Variants in LRMDA observed in about 807,000 individuals in gnomAD.
The protein encoded by LRMDA is leucine rich melanocyte differentiation associated, also known as leucine-rich melanocyte differentiation-associated protein.
In LRMDA, 18 loss-of-function variants were observed where a neutral mutation model predicts 29.8. That is an observed-to-expected ratio of 0.60 (90% CI 0.42 to 0.90). The LOEUF (loss-of-function observed/expected upper bound fraction) is 0.90. LRMDA is among the 40% of genes least tolerant of loss of function. The pLI is 0.00. For synonymous variants in LRMDA, 125 were observed against 109.4 expected (o/e 1.14, Z -0.89); for missense variants, 273 against 273.9 (o/e 1.00, Z 0.02).
chr10:75,520,613 G>A (rs1476048970), intron 2 of LRMDA, among the ~76,000 whole-genome samples: 1 of 152,106 alleles, frequency 6.6e-6, no homozygotes, highest in Non-Finnish European at 1.5e-5. Flanking sequence ...GCTTCCTTGC[G>A]ATGGGTTCGA....
At chr10:76,456,225 G>A (rs2132304057) in intron 6 of LRMDA, among the ~76,000 whole-genome samples, 1 of 152,284 alleles carries the variant, frequency 6.6e-6, no homozygotes, top group South Asian at 2.1e-4. Context: ...AGTGGGGTGT[G>A]TTGAGATGGT....
intron 2 of LRMDA, among the ~76,000 whole-genome samples, chr10:75,946,530 G>A (rs962101690): frequency 4.6e-5 from 7 of 152,260 alleles, no homozygotes; most frequent in South Asian, 2.1e-4. Context: ...GGCTGCTGGC[G>A]TTTGATTTGT....
At chr10:76,148,279 C>G (rs1850368482) in intron 5 of LRMDA, among the ~76,000 whole-genome samples, 1 of 152,232 alleles carries the variant, frequency 6.6e-6, no homozygotes, top group African/African-American at 2.4e-5. Context: ...GCCCTGCCCC[C>G]AGAGGTGGAG....
intron 2 of LRMDA, among the ~76,000 whole-genome samples, chr10:75,825,461 C>CA (rs1261485287): frequency 3.3e-5 from 5 of 151,758 alleles, no homozygotes; most frequent in East Asian, 1.9e-4. Flanking sequence ...TTATTAACTG[C>CA]AAAAAAGGGG....
chr10:75,593,631 A>G (rs547647308), intron 2 of LRMDA, among the ~76,000 whole-genome samples: 1 of 152,382 alleles, frequency 6.6e-6, no homozygotes, highest in South Asian at 2.1e-4. Context: ...ACAGGAAAGA[A>G]TTTGCACAGG....
intron 6 of LRMDA, among the ~76,000 whole-genome samples, chr10:76,447,416 C>G (rs1448100732): frequency 6.6e-6 from 1 of 151,812 alleles, no homozygotes; most frequent in Non-Finnish European, 1.5e-5. Flanking sequence ...TCTGTTTTTC[C>G]TTATTGGTTT....
At chr10:75,832,731 T>C (rs1844367042) in intron 2 of LRMDA, among the ~76,000 whole-genome samples, 1 of 152,206 alleles carries the variant, frequency 6.6e-6, no homozygotes, top group Non-Finnish European at 1.5e-5. Context: ...AGCCTCACAA[T>C]CATGGCAGAA....
At chr10:75,930,518 G>A (rs567688172) in intron 2 of LRMDA, among the ~76,000 whole-genome samples, 17 of 152,316 alleles carry the variant, frequency 1.1e-4, no homozygotes, top group Admixed American at 3.3e-4. Context: ...ATGGTAAGCA[G>A]ACATTCGATG....
At chr10:76,133,058 T>G (rs11001624) in intron 5 of LRMDA, among the ~76,000 whole-genome samples, 21,334 of 145,606 alleles carry the variant, frequency 0.15, 1,903 homozygotes, top group Admixed American at 0.23. Flanking sequence ...CCTGACCTCG[T>G]GATCCGCCCG....
chr10:75,648,464 G>T (rs1841556926), intron 2 of LRMDA, among the ~76,000 whole-genome samples: 1 of 152,098 alleles, frequency 6.6e-6, no homozygotes, highest in Non-Finnish European at 1.5e-5. Context: ...CTGTGCAGGG[G>T]GCTCTTATAG....
At chr10:76,312,746 T>C in intron 5 of LRMDA, among the ~76,000 whole-genome samples, 1 of 151,716 alleles carries the variant, frequency 6.6e-6, no homozygotes, top group Non-Finnish European at 1.5e-5. Context: ...GATCTCACAA[T>C]TTTTGCTCCC....
intron 2 of LRMDA, among the ~76,000 whole-genome samples, chr10:75,669,502 A>T (rs1200630960): frequency 6.6e-6 from 1 of 152,232 alleles, no homozygotes; most frequent in Admixed American, 6.5e-5. Context: ...TATGCCTGTT[A>T]TGTAAAGCCA....
At chr10:76,441,059 G>A (rs181782718) in intron 6 of LRMDA, among the ~76,000 whole-genome samples, 11 of 152,062 alleles carry the variant, frequency 7.2e-5, no homozygotes, top group Admixed American at 2.6e-4. Flanking sequence ...TAAATCTTCC[G>A]CTTGCATTCC....
intron 2 of LRMDA, among the ~76,000 whole-genome samples, chr10:75,558,193 C>A (rs897363642): frequency 2.3e-4 from 34 of 148,042 alleles, no homozygotes; most frequent in Non-Finnish European, 4.3e-4. Flanking sequence ...TCTTCCTTGC[C>A]TGATTTGCCT....
chr10:75,649,402 C>T (rs1388965391), intron 2 of LRMDA, among the ~76,000 whole-genome samples: 1 of 152,228 alleles, frequency 6.6e-6, no homozygotes, highest in Non-Finnish European at 1.5e-5. Context: ...CTTTCCTAAA[C>T]ATGAGTGTAC....
Position 75,541,064 on chromosome 10 carries a change from G to C in LRMDA, c.131+102570G>C, listed in dbSNP as rs917734506. Among the ~76,000 whole-genome samples the C allele has an allele frequency of 2.6e-5, 4 of 152,198 alleles. No individual in the cohort carries two copies. The South Asian group carries it at 8.3e-4, about 32-fold the overall frequency. On this transcript the variant is annotated intron_variant, in intron 2 of 6. Coordinates refer to ENST00000611255, the MANE Select transcript of LRMDA (RefSeq NM_001305581.2). ...TTAACAACTGTTGGTTTAAATAGTT[G>C]TTGCAGGAATGAGAACTCTTGCAGG... is the stretch of plus-strand genomic sequence containing the variant.
At chr10:76,488,826 A>G (rs949959169) in intron 6 of LRMDA, among the ~76,000 whole-genome samples, 3 of 151,772 alleles carry the variant, frequency 2.0e-5, no homozygotes, top group Admixed American at 6.6e-5. Flanking sequence ...CCATCCTTGA[A>G]TTTGCGAGAT....
intron 2 of LRMDA, among the ~76,000 whole-genome samples, chr10:75,651,193 C>T (rs887774219): frequency 6.6e-6 from 1 of 152,104 alleles, no homozygotes; most frequent in Non-Finnish European, 1.5e-5. Context: ...TGCTGTATGG[C>T]AAGAGACAGG....
intron 5 of LRMDA, among the ~76,000 whole-genome samples, chr10:76,295,820 T>C (rs1840404548): frequency 6.6e-6 from 1 of 152,210 alleles, no homozygotes; most frequent in Admixed American, 6.5e-5. Flanking sequence ...CTACCATTTT[T>C]TCCAAGGCTC....
Sources: allele counts gnomAD v4.1 joint callset (sites outside exome capture counted in the v4.1 genomes callset), GRCh38; gene constraint gnomAD v4.1.1; transcripts MANE v1.5; gene names NCBI Gene and HGNC (gene_info 2026-07-23, HGNC 2026-07-21).